The following NUGGC variants were observed in gnomAD, a reference collection of about 807,000 sequenced individuals.
NUGGC encodes the protein nuclear GTPase SLIP-GC.
In NUGGC, 58 loss-of-function variants were observed where a neutral mutation model predicts 92.6. The observed-to-expected ratio is 0.63, with a 90% confidence interval of 0.51 to 0.78. The LOEUF is 0.78. Ranked by LOEUF, NUGGC falls within the 30% of genes least tolerant of loss-of-function variation. The pLI is 0.00. For missense variants in NUGGC, 925 were observed against 964.6 expected, an observed-to-expected ratio of 0.96 and a Z score of 0.54; for synonymous variants, 376 against 366.4, an observed-to-expected ratio of 1.03 and a Z score of -0.30.
At chr8:28,064,766 A>G (rs750915461) in intron 6 of NUGGC, 35 bp from the exon 7 acceptor site, 15 of 1,577,468 alleles carry the variant, frequency 9.5e-6, no homozygotes, top group Non-Finnish European at 1.2e-5. Flanking sequence ...CACACCAGCC[A>G]TGCACCCAGC....
intron 4 of NUGGC, 79 bp downstream of exon 4, chr8:28,069,465 C>T (rs375665261): frequency 2.1e-5 from 15 of 716,972 alleles, no homozygotes; most frequent in African/African-American, 1.9e-4. Flanking sequence ...AGTCCCTTTC[C>T]TTGTTGGGGG....
intron 13 of NUGGC, among the ~76,000 whole-genome samples, chr8:28,035,579 C>G (rs563919188): frequency 1.3e-5 from 2 of 152,278 alleles, no homozygotes; most frequent in South Asian, 4.2e-4. Flanking sequence ...AAGGCGTCCC[C>G]CTGAGAAAGT....
In NUGGC at chr8:28,026,793, T is replaced by C. The variant is rs75152345; in HGVS notation, c.2245+169A>G. 8.5e-3 allele frequency among the ~76,000 whole-genome samples: 1,255 copies of C among 147,182 alleles called. 16 individuals carry two copies. The highest frequency in any genetic ancestry group is 0.029 in the African/African-American group (1,159 of 39,866). Reference sequence around the variant, plus strand: ...ATCATCATCATCATCATCATCATCATCACCATCATCATCGTCATCATCTCC... The same window carrying C: ...ATCATCATCATCATCATCATCATCACCACCATCATCATCGTCATCATCTCC... On this transcript the variant is annotated intron_variant, in intron 18 of 18. Coordinates refer to ENST00000413272, the MANE Select transcript of NUGGC (RefSeq NM_001010906.2).
chr8:28,063,681 C>A (rs1183461485), intron 7 of NUGGC, among the ~76,000 whole-genome samples: 2 of 152,196 alleles, frequency 1.3e-5, no homozygotes, highest in African/African-American at 4.8e-5. Context: ...TTCATCTGTA[C>A]AATCAGGGCA....
Position 28,023,264 on chromosome 8 carries a change from T to A in NUGGC, c.*53A>T. 6.4e-7 allele frequency: 1 copy of A among 1,557,494 alleles called. No homozygotes were observed. The highest frequency in any genetic ancestry group is 8.7e-7 in the Non-Finnish European group (1 of 1,149,500). ...CTCTTAAGAACAAAAAAAGTAATTC[T>A]AATTCTCTGGCTCTGGGCTGATTTT... is the stretch of plus-strand genomic sequence containing the variant. On this transcript the variant is annotated 3_prime_UTR_variant, in exon 19 of 19. Coordinates refer to ENST00000413272, the MANE Select transcript of NUGGC (RefSeq NM_001010906.2).
chr8:28,065,204 A>G (rs530073668), intron 6 of NUGGC, among the ~76,000 whole-genome samples: 24 of 117,470 alleles, frequency 2.0e-4, no homozygotes, highest in Non-Finnish European at 3.0e-4. Flanking sequence ...TCTGTTGCCC[A>G]GACTGGAGTG....
At position 28,045,517 on chromosome 8, in the gene NUGGC, T is replaced by A; in HGVS notation, c.1446+10A>T. 3 of 1,610,334 alleles carry A rather than the reference T, an allele frequency of 1.9e-6. No individual in the cohort carries two copies. The highest frequency in any genetic ancestry group is 1.7e-6 in the Non-Finnish European group (2 of 1,179,038). On this transcript the variant is annotated intron_variant, in intron 12 of 18. Coordinates refer to ENST00000413272, the MANE Select transcript of NUGGC (RefSeq NM_001010906.2). ...AGGGGGAGAATATGAAAACCCAGTGTCTTCCATACCGGCAGGTTTTGCGTG... is the reference window on the plus strand; with the variant it reads ...AGGGGGAGAATATGAAAACCCAGTGACTTCCATACCGGCAGGTTTTGCGTG...
In NUGGC at chr8:28,034,085, G is replaced by T. The variant is rs1271814997; in HGVS notation, c.1612-388C>A. On this transcript the variant is annotated intron_variant, in intron 13 of 18. Coordinates refer to ENST00000413272, the MANE Select transcript of NUGGC (RefSeq NM_001010906.2). ...AGTGTTTGAGAAATATTTGCTAAAT[G>T]AGCAATTATTGAACGACTAAATAAA... 2.0e-5 allele frequency among the ~76,000 whole-genome samples: 3 copies of T among 152,348 alleles called. No homozygotes were observed. In the East Asian group the frequency reaches 5.8e-4, roughly 29 times the overall value.
intron 17 of NUGGC, among the ~76,000 whole-genome samples, 192 bp from the exon 18 acceptor site, chr8:28,027,244 C>A (rs1809287376): frequency 6.6e-6 from 1 of 152,214 alleles, no homozygotes; most frequent in Non-Finnish European, 1.5e-5. Flanking sequence ...GGCAGCAAGA[C>A]AACATTTCTG....
intron 18 of NUGGC, among the ~76,000 whole-genome samples, chr8:28,025,908 C>T (rs938871319): frequency 6.6e-6 from 1 of 152,194 alleles, no homozygotes; most frequent in African/African-American, 2.4e-5. Context: ...TCCAGCCTTC[C>T]AGTTCCCCTC....
At chr8:28,082,854 C>T (rs530666783) in intron 1 of NUGGC, among the ~76,000 whole-genome samples, 2 of 152,216 alleles carry the variant, frequency 1.3e-5, no homozygotes, top group Admixed American at 1.3e-4. Flanking sequence ...TACAGTGAGC[C>T]ATGTTCATAC....
chr8:28,024,060 G>A (rs1419408535), intron 18 of NUGGC, among the ~76,000 whole-genome samples: 2 of 152,046 alleles, frequency 1.3e-5, no homozygotes, highest in Admixed American at 6.6e-5. Context: ...TTTTGCTCTT[G>A]TCACCAAGTC....
chr8:28,040,958 C>A, intron 13 of NUGGC, 93 bp downstream of exon 13: 1 of 1,294,992 alleles, frequency 7.7e-7, no homozygotes, highest in Non-Finnish European at 1.1e-6. Flanking sequence ...TAACTCTTTA[C>A]CTCTTTTGAA....
intron 10 of NUGGC, among the ~76,000 whole-genome samples, chr8:28,049,345 T>A (rs558456876): frequency 1.3e-5 from 2 of 152,232 alleles, no homozygotes; most frequent in Non-Finnish European, 2.9e-5. Flanking sequence ...TAGGGAAAGC[T>A]GAAACTATTT....
intron 1 of NUGGC, among the ~76,000 whole-genome samples, chr8:28,079,094 A>G (rs1810787533): frequency 2.6e-5 from 4 of 152,208 alleles, no homozygotes; most frequent in Admixed American, 2.6e-4. Context: ...TTCCTGATAA[A>G]TAATTGTAAC....
intron 13 of NUGGC, 83 bp downstream of exon 13, chr8:28,040,968 A>G (rs1246052011): frequency 3.7e-6 from 5 of 1,351,362 alleles, no homozygotes; most frequent in Non-Finnish European, 5.1e-6. Flanking sequence ...CCTCTTTTGA[A>G]GGGAATGGGA....
In NUGGC at chr8:28,060,480, T is replaced by A. The variant is rs201017070; in HGVS notation, c.1043A>T (p.Asp348Val). 6.2e-7 allele frequency: 1 copy of A among 1,613,902 alleles called. No homozygotes were observed. The highest frequency in any genetic ancestry group is 1.1e-5 in the South Asian group (1 of 91,060). The part of the protein sequence containing the change: ...IKACQRGFCR[D>V]VALVVTKMDK... ...CATCTTGGTGACCACCAGGGCCACG[T>A]CCCTACAGAAGCCCCGCTGGCAGGC... Residue 348 changes from aspartate (D) to valine (V), a missense_variant, in exon 8 of 19, where the codon GAC becomes GTC. Transcript: ENST00000413272.
intron 7 of NUGGC, among the ~76,000 whole-genome samples, chr8:28,063,397 C>T (rs892919531): frequency 1.2e-4 from 19 of 152,200 alleles, no homozygotes; most frequent in African/African-American, 2.4e-4. Context: ...CCTGGGCTGT[C>T]GCTCTCTCGG....
intron 9 of NUGGC, among the ~76,000 whole-genome samples, chr8:28,057,330 C>CTTTTTTTTTTTT (rs57167648): frequency 2.1e-4 from 26 of 124,012 alleles, no homozygotes; most frequent in African/African-American, 5.6e-4. Context: ...ATTTTCTTTC[C>CTTTTTTTTTTTT]TTTTTTTTTT....
Sources: allele counts gnomAD v4.1 joint callset (sites outside exome capture counted in the v4.1 genomes callset), GRCh38; gene constraint gnomAD v4.1.1; transcripts MANE v1.5; gene names NCBI Gene and HGNC (gene_info 2026-07-23, HGNC 2026-07-21).